SLC24A3: variants seen among roughly 807,000 people sequenced by gnomAD.
The protein encoded by SLC24A3 is solute carrier family 24 member 3, also known as sodium/potassium/calcium exchanger 3.
Under a neutral mutation model 75.8 loss-of-function variants are expected in SLC24A3, and 28 were observed. That is an observed-to-expected ratio of 0.37 (90% confidence interval 0.27 to 0.51). The LOEUF (loss-of-function observed/expected upper bound fraction) is 0.51, where lower values mean the gene tolerates loss of function less well. Ranked by LOEUF, SLC24A3 falls within the 20% of genes least tolerant of loss-of-function variation. The pLI, the probability that SLC24A3 is intolerant of heterozygous loss-of-function variation, is 0.94. For synonymous variants in SLC24A3, 372 were observed against 334.1 expected, an observed-to-expected ratio of 1.11 and a Z score of -1.24; for missense variants, 663 against 847.8, an observed-to-expected ratio of 0.78 and a Z score of 2.71.
At chr20:19,565,528 C>G (rs557355909) in intron 3 of SLC24A3, among the ~76,000 whole-genome samples, 1 of 152,262 alleles carries the variant, frequency 6.6e-6, no homozygotes, top group South Asian at 2.1e-4. Context: ...TGAGGTGTCA[C>G]CTGGCATCAC....
chr20:19,460,920 G>C (rs1987659153), intron 2 of SLC24A3, among the ~76,000 whole-genome samples: 1 of 152,236 alleles, frequency 6.6e-6, no homozygotes. Flanking sequence ...GGGTCCCCAT[G>C]AGTGAGGGGA....
intron 3 of SLC24A3, among the ~76,000 whole-genome samples, chr20:19,554,718 A>G (rs2030755768): frequency 6.6e-6 from 1 of 152,212 alleles, no homozygotes; most frequent in Non-Finnish European, 1.5e-5. Context: ...GTAATACATC[A>G]GGGGCTCCAG....
intron 1 of SLC24A3, among the ~76,000 whole-genome samples, chr20:19,274,827 C>T (rs1319191812): frequency 6.6e-6 from 1 of 152,156 alleles, no homozygotes; most frequent in Non-Finnish European, 1.5e-5. Flanking sequence ...GACCTCCAAC[C>T]CCAGGGTGAA....
intron 2 of SLC24A3, among the ~76,000 whole-genome samples, chr20:19,442,692 A>G (rs1987316321): frequency 6.6e-6 from 1 of 152,178 alleles, no homozygotes; most frequent in Admixed American, 6.5e-5. Context: ...TTCACAAAAC[A>G]GTTAATTTAA....
At position 19,551,908 on chromosome 20, in the gene SLC24A3, A is replaced by G. The variant is rs574991747; in HGVS notation, c.349-28092A>G. ...TCAAAATACATCAAACTCTCTTAAA[A>G]GCCAAAACATTTTTTAAAAAAAGAA... On this transcript the variant is annotated intron_variant, in intron 3 of 16. Coordinates refer to ENST00000328041, the MANE Select transcript of SLC24A3 (RefSeq NM_020689.4). Among the ~76,000 whole-genome samples the G allele has an allele frequency of 9.8e-5, 15 of 152,302 alleles. No homozygotes were observed. The South Asian group carries it at 1.5e-3, about 15-fold the overall frequency.
chr20:19,232,985 G>C (rs1982065153), intron 1 of SLC24A3, among the ~76,000 whole-genome samples: 1 of 152,236 alleles, frequency 6.6e-6, no homozygotes, highest in South Asian at 2.1e-4. Context: ...ACCCCCAAGA[G>C]CGTTATTAGT....
intron 1 of SLC24A3, among the ~76,000 whole-genome samples, chr20:19,233,879 A>G (rs1040122769): frequency 6.6e-6 from 1 of 152,170 alleles, no homozygotes; most frequent in Admixed American, 6.5e-5. Flanking sequence ...TTCTTTATCT[A>G]TAGAATGGGA....
chr20:19,301,069 T>C (rs1202284916), intron 2 of SLC24A3, among the ~76,000 whole-genome samples: 1 of 152,156 alleles, frequency 6.6e-6, no homozygotes, highest in Non-Finnish European at 1.5e-5. Context: ...TGCATGGCAA[T>C]TGGAGCCAGT....
At chr20:19,371,173 C>G (rs1189335187) in intron 2 of SLC24A3, among the ~76,000 whole-genome samples, 1 of 152,150 alleles carries the variant, frequency 6.6e-6, no homozygotes, top group Non-Finnish European at 1.5e-5. Context: ...CAGTGTAGAA[C>G]AGGCACCTCA....
At chr20:19,353,040 G>A (rs1985604792) in intron 2 of SLC24A3, among the ~76,000 whole-genome samples, 1 of 152,188 alleles carries the variant, frequency 6.6e-6, no homozygotes, top group African/African-American at 2.4e-5. Context: ...AGTATTCAGT[G>A]CACTGTCGTG....
At chr20:19,426,318 G>T (rs1319966791) in intron 2 of SLC24A3, among the ~76,000 whole-genome samples, 1 of 152,202 alleles carries the variant, frequency 6.6e-6, no homozygotes, top group Non-Finnish European at 1.5e-5. Context: ...TAAAATGTAA[G>T]ATTTCTTGGA....
intron 2 of SLC24A3, among the ~76,000 whole-genome samples, chr20:19,304,834 C>A (rs1403709695): frequency 2.6e-5 from 4 of 152,184 alleles, no homozygotes; most frequent in African/African-American, 9.7e-5. Context: ...AAAGTCTATT[C>A]TTGAGCATCC....
intron 3 of SLC24A3, among the ~76,000 whole-genome samples, chr20:19,544,023 A>G (rs773316130): frequency 3.9e-5 from 6 of 152,216 alleles, no homozygotes; most frequent in African/African-American, 9.7e-5. Context: ...TGATGTTTAC[A>G]GGTCCCACCA....
intron 2 of SLC24A3, among the ~76,000 whole-genome samples, chr20:19,441,903 A>AT (rs1222720954): frequency 2.0e-5 from 3 of 151,890 alleles, no homozygotes; most frequent in East Asian, 1.9e-4. Flanking sequence ...AAAACCACTG[A>AT]TTTTTTTTAT....
At chr20:19,532,829 A>G (rs996836104) in intron 3 of SLC24A3, among the ~76,000 whole-genome samples, 6 of 152,236 alleles carry the variant, frequency 3.9e-5, no homozygotes, top group Non-Finnish European at 7.3e-5. Context: ...ATTAATTGGT[A>G]TAAAGAGGTC....
chr20:19,574,780 G>A (rs2031104850), intron 3 of SLC24A3, among the ~76,000 whole-genome samples: 1 of 152,196 alleles, frequency 6.6e-6, no homozygotes, highest in Non-Finnish European at 1.5e-5. Context: ...CGAGGCCCAT[G>A]TTGAAGGGTA....
chr20:19,430,843 C>T (rs1204628123), intron 2 of SLC24A3, among the ~76,000 whole-genome samples: 1 of 152,272 alleles, frequency 6.6e-6, no homozygotes, highest in African/African-American at 2.4e-5. Flanking sequence ...CAGGTACACA[C>T]TCACCTAGGG....
chr20:19,719,786 G>T lies in SLC24A3; in HGVS notation c.1786-1205G>T, dbSNP rs56130061. 4.2e-3 allele frequency among the ~76,000 whole-genome samples: 647 copies of T among 152,306 alleles called. 7 individuals are homozygous for T. The highest frequency in any genetic ancestry group is 0.015 in the African/African-American group (627 of 41,568). ...ATTGGGACTTGGCTTGAACTGAAGG[G>T]CTATGGCTTAGCCAAGCAAGGACAA... On this transcript the variant is annotated intron_variant, in intron 16 of 16. Transcript: ENST00000328041.
chr20:19,446,112 G>A (rs563462600), intron 2 of SLC24A3, among the ~76,000 whole-genome samples: 29 of 152,266 alleles, frequency 1.9e-4, no homozygotes, highest in Admixed American at 1.8e-3. Context: ...ACCCCAAGTT[G>A]CTGCTCATAG....
Sources: allele counts gnomAD v4.1 joint callset (sites outside exome capture counted in the v4.1 genomes callset), GRCh38; gene constraint gnomAD v4.1.1; transcripts MANE v1.5; gene names NCBI Gene and HGNC (gene_info 2026-07-23, HGNC 2026-07-21).